Variants in ITFG1 observed in about 807,000 individuals in gnomAD.
ITFG1 encodes the protein T-cell immunomodulatory protein.
In ITFG1, 34 loss-of-function variants were observed where a neutral mutation model predicts 81.8. That is an observed-to-expected ratio of 0.42 (90% confidence interval 0.32 to 0.55). The LOEUF (loss-of-function observed/expected upper bound fraction) is 0.55, where lower values mean the gene tolerates loss of function less well. Among genes scored for constraint, ITFG1 ranks in the 20% least tolerant of loss-of-function variants. ITFG1 has a pLI of 0.17. For missense variants in ITFG1, 672 were observed against 755.4 expected (o/e 0.89, Z 1.29); for synonymous variants, 285 against 270.6 (o/e 1.05, Z -0.52).
chr16:47,326,557 T>C (rs896357524), intron 8 of ITFG1, among the ~76,000 whole-genome samples: 11 of 152,192 alleles, frequency 7.2e-5, no homozygotes, highest in African/African-American at 2.4e-4. Context: ...GATGACATGA[T>C]TGTATATCTA....
At chr16:47,365,684 C>T in intron 8 of ITFG1, 104 bp downstream of exon 8, 1 of 679,200 alleles carries the variant, frequency 1.5e-6, no homozygotes, top group Non-Finnish European at 2.6e-6. Flanking sequence ...CTCTGAAGAC[C>T]CTGGAGTTAT....
At chr16:47,457,136 C>T (rs1242917362) in intron 2 of ITFG1, among the ~76,000 whole-genome samples, 1 of 151,918 alleles carries the variant, frequency 6.6e-6, no homozygotes, top group Non-Finnish European at 1.5e-5. Context: ...ATGGTGAAAT[C>T]CCATCTCTAC....
At chr16:47,173,886 C>A (rs972325457) in intron 14 of ITFG1, among the ~76,000 whole-genome samples, 1 of 151,976 alleles carries the variant, frequency 6.6e-6, no homozygotes, top group Admixed American at 6.6e-5. Flanking sequence ...ACTAAAAATA[C>A]AAAATTAGCT....
intron 14 of ITFG1, among the ~76,000 whole-genome samples, chr16:47,168,101 CTT>C (rs1390883684): frequency 6.6e-6 from 1 of 152,156 alleles, no homozygotes; most frequent in Non-Finnish European, 1.5e-5. Context: ...CATTTTCAGT[CTT>C]TTAAATTAAA....
At position 47,240,913 on chromosome 16, in the gene ITFG1, T is replaced by C. The variant is rs573734927; in HGVS notation, c.1331-2905A>G. 1.3e-3 allele frequency among the ~76,000 whole-genome samples: 191 copies of C among 152,298 alleles called. 3 individuals are homozygous for C. Among genetic ancestry groups the C allele is most frequent in the Admixed American group, 5.5e-3 (84 of 15,302 alleles). Reference sequence around the variant, plus strand: ...AAAAAAGGGAGCTGTTTAATGGGTATAGAGTTTCAGCTTTGCAAGAAGAAA... The same window carrying C: ...AAAAAAGGGAGCTGTTTAATGGGTACAGAGTTTCAGCTTTGCAAGAAGAAA... On this transcript the variant is annotated intron_variant, in intron 12 of 17. Transcript: ENST00000320640.
At chr16:47,280,534 G>A (rs992192537) in intron 10 of ITFG1, among the ~76,000 whole-genome samples, 2 of 152,166 alleles carry the variant, frequency 1.3e-5, no homozygotes, top group Non-Finnish European at 2.9e-5. Context: ...TTGGTCCCCA[G>A]TTCCTGGCAT....
chr16:47,183,662 G>T (rs1175933405), intron 14 of ITFG1, among the ~76,000 whole-genome samples: 1 of 152,172 alleles, frequency 6.6e-6, no homozygotes, highest in African/African-American at 2.4e-5. Context: ...AAGACCAAAA[G>T]AAGATAAAAC....
At chr16:47,446,386 T>G (rs1969325422) in intron 5 of ITFG1, among the ~76,000 whole-genome samples, 1 of 152,186 alleles carries the variant, frequency 6.6e-6, no homozygotes, top group Non-Finnish European at 1.5e-5. Context: ...CTCAGGTACA[T>G]AAGAGAAAAT....
intron 6 of ITFG1, among the ~76,000 whole-genome samples, chr16:47,385,548 T>C (rs1210435062): frequency 6.6e-6 from 1 of 152,238 alleles, no homozygotes; most frequent in Admixed American, 6.5e-5. Flanking sequence ...ATTAAAAATA[T>C]TAAGGCTTCC....
chr16:47,296,061 G>A (rs558169965), intron 10 of ITFG1, among the ~76,000 whole-genome samples: 2 of 148,108 alleles, frequency 1.4e-5, no homozygotes, highest in South Asian at 2.2e-4. Flanking sequence ...ACCATGTCCC[G>A]GCTAAGTTTT....
At chr16:47,249,426 AAAAAG>A (rs1367923868) in intron 12 of ITFG1, among the ~76,000 whole-genome samples, 1 of 152,196 alleles carries the variant, frequency 6.6e-6, no homozygotes, top group African/African-American at 2.4e-5. Flanking sequence ...CTCAAAAAAG[AAAAAG>A]AAATTACAAA....
At position 47,444,861 on chromosome 16, in the gene ITFG1, C is replaced by T. The variant is rs552985866; in HGVS notation, c.560+6535G>A. On this transcript the variant is annotated intron_variant, in intron 5 of 17. Transcript: ENST00000320640. ...CTGTCCTGGGATACAGTGCTAAGAACAGTTATAAGATCTGCTTTTTGGAAA... is the reference window on the plus strand; with the variant it reads ...CTGTCCTGGGATACAGTGCTAAGAATAGTTATAAGATCTGCTTTTTGGAAA... 7.4e-4 allele frequency among the ~76,000 whole-genome samples: 113 copies of T among 152,156 alleles called. 2 individuals are homozygous for T. The South Asian group carries it at 0.022, about 29-fold the overall frequency.
chr16:47,156,274 C>CA (rs894598210), intron 17 of ITFG1, among the ~76,000 whole-genome samples: 2 of 151,772 alleles, frequency 1.3e-5, no homozygotes, highest in Non-Finnish European at 2.9e-5. Flanking sequence ...CCGTCTCTAC[C>CA]AAAAAAATAC....
At chr16:47,286,752 T>C (rs907873157) in intron 10 of ITFG1, among the ~76,000 whole-genome samples, 4 of 152,148 alleles carry the variant, frequency 2.6e-5, no homozygotes, top group Non-Finnish European at 4.4e-5. Flanking sequence ...GAGATCTGGG[T>C]AGCACCACAT....
At chr16:47,215,547 TAC>T (rs1965615659) in intron 14 of ITFG1, among the ~76,000 whole-genome samples, 1 of 152,210 alleles carries the variant, frequency 6.6e-6, no homozygotes, top group South Asian at 2.1e-4. Flanking sequence ...ATATTTGTCC[TAC>T]ACACAGACAC....
intron 7 of ITFG1, among the ~76,000 whole-genome samples, chr16:47,370,265 C>T (rs1274495935): frequency 1.3e-5 from 2 of 152,306 alleles, no homozygotes; most frequent in South Asian, 4.1e-4. Context: ...CAGCCAGTTC[C>T]GGGTAAAGTC....
At chr16:47,325,076 G>C (rs1208330354) in intron 8 of ITFG1, among the ~76,000 whole-genome samples, 2 of 152,092 alleles carry the variant, frequency 1.3e-5, no homozygotes, top group Non-Finnish European at 1.5e-5. Context: ...TGACCACATA[G>C]TTGGAAGTAA....
chr16:47,203,195 C>T (rs1025983995), intron 14 of ITFG1, among the ~76,000 whole-genome samples: 8 of 152,266 alleles, frequency 5.3e-5, no homozygotes, highest in South Asian at 2.1e-4. Flanking sequence ...AAACATGCTA[C>T]GCTGATGCAC....
chr16:47,240,635 A>C (rs1965922506), intron 12 of ITFG1, among the ~76,000 whole-genome samples: 1 of 152,228 alleles, frequency 6.6e-6, no homozygotes. Context: ...AACAGCCAAG[A>C]GGCGGAAGCA....
Sources: gnomAD v4.1 joint callset for allele counts (sites outside exome capture counted in the v4.1 genomes callset) on GRCh38, gnomAD v4.1.1 for gene constraint, MANE v1.5 for transcripts, NCBI Gene and HGNC (gene_info 2026-07-23, HGNC 2026-07-21) for gene names.